The following IRF2BP2 variants were observed in gnomAD, a reference collection of about 807,000 sequenced individuals.
The protein encoded by IRF2BP2 is interferon regulatory factor 2-binding protein 2.
A neutral mutation model predicts 32.7 loss-of-function variants in IRF2BP2; 13 were observed. The ratio of observed to expected loss-of-function variants is 0.40; its 90% CI spans 0.26 to 0.63. The LOEUF (loss-of-function observed/expected upper bound fraction) is 0.63. Among genes scored for constraint, IRF2BP2 ranks in the 30% least tolerant of loss-of-function variants. The probability of loss-of-function intolerance (pLI) is 0.42; values close to 1 mark genes in which losing one functional copy is unlikely to be tolerated. For missense variants in IRF2BP2, 980 were observed against 830.6 expected (o/e 1.18, Z -2.21); for synonymous variants, 555 against 384.6 (o/e 1.44, Z -5.18).
At chr1:234,608,390 C>T in intron 1 of IRF2BP2, 57 bp downstream of exon 1, 1 of 1,328,348 alleles carries the variant, frequency 7.5e-7, no homozygotes, top group East Asian at 2.8e-5. Flanking sequence ...ACCACCCTTC[C>T]TCTGCTCTCC....
In IRF2BP2 at chr1:234,609,245, G is replaced by A. The variant is rs759575894; in HGVS notation, c.250C>T (p.Pro84Ser). The A allele has an allele frequency of 3.2e-5, 44 of 1,360,210 alleles. No homozygotes were observed. The South Asian group carries it at 7.3e-4, about 23-fold the overall frequency. 84.3% of individuals were successfully genotyped at this position (1,360,210 alleles called of 1,614,324 possible). ...GAAASAAAKP[P>S]PLSAKDILLQ... ...AGGATGTCCTTGGCGGAGAGCGGCGGCGGCTTGGCGGCGGCCGAGGCCGCG... is the reference window on the plus strand; with the variant it reads ...AGGATGTCCTTGGCGGAGAGCGGCGACGGCTTGGCGGCGGCCGAGGCCGCG... The change falls in exon 1 of 2, where the codon CCG becomes TCG. Residue 84 changes from proline to serine, a missense_variant. By Grantham distance (74) the Pro-to-Ser change is moderately conservative. Coordinates refer to ENST00000366609, the MANE Select transcript of IRF2BP2 (RefSeq NM_182972.3).
chr1:234,609,527 C>T lies in IRF2BP2; in HGVS notation c.-33G>A. ...GAGCCCGCGACGCCGGAGGAGGAGG[C>T]GGAGGAGGAGGAGGGGGCGCCGCCG... On this transcript the variant is annotated 5_prime_UTR_variant, in exon 1 of 2. Transcript: ENST00000366609. 1.5e-6 allele frequency: 2 copies of T among 1,367,750 alleles called. No individual in the cohort carries two copies. Among genetic ancestry groups the T allele is most frequent in the South Asian group, 1.5e-5 (1 of 68,212 alleles). 84.7% of individuals were successfully genotyped at this position (1,367,750 alleles called of 1,614,324 possible). A position where few individuals can be genotyped will look rare whatever the true frequency, so the allele number is the denominator to read the frequency against.
Position 234,607,697 on chromosome 1 carries a change from G to A in IRF2BP2, c.1204C>T (p.Pro402Ser), listed in dbSNP as rs777725435. Reference protein sequence around the residue: ...TPTSSFVSPPPPTASPHSNRT... With the variant: ...TPTSSFVSPPSPTASPHSNRT... ...TTGGAATGAGGTGAGGCAGTGGGTG[G>A]TGGCGGAGACACAAAAGAGGATGTA... Residue 402 changes from proline to serine, a missense_variant, in exon 2 of 2, where the codon CCA (proline) becomes TCA (serine). Pro to Ser is a moderately conservative substitution (Grantham distance 74). Coordinates refer to ENST00000366609, the MANE Select transcript of IRF2BP2 (RefSeq NM_182972.3). The A allele has an allele frequency of 1.2e-6, 2 of 1,614,108 alleles. No homozygotes were observed. Among genetic ancestry groups the A allele is most frequent in the Non-Finnish European group, 1.7e-6 (2 of 1,180,038 alleles).
At position 234,609,588 on chromosome 1, in the gene IRF2BP2, C is replaced by A. The variant is rs1354851973; in HGVS notation, c.-94G>T. On this transcript the variant is annotated 5_prime_UTR_variant, in exon 1 of 2. Transcript: ENST00000366609. ...CCGGCACCACGCGCGCCCTCCTCCC[C>A]CCCCAACCCCGCGTCTCCCCCACCA... 3.1e-6 allele frequency: 2 copies of A among 641,306 alleles called. No homozygotes were observed. Among genetic ancestry groups the A allele is most frequent in the Non-Finnish European group, 2.2e-6 (1 of 452,572 alleles). 39.7% of individuals were successfully genotyped at this position (641,306 alleles called of 1,614,324 possible).
chr1:234,606,946 A>G lies in IRF2BP2; in HGVS notation c.*191T>C, dbSNP rs542003285. 2.8e-5 allele frequency: 14 copies of G among 503,182 alleles called. No individual in the cohort carries two copies. The highest frequency in any genetic ancestry group is 1.2e-4 in the East Asian group (4 of 32,164). 31.2% of individuals were successfully genotyped at this position (503,182 alleles called of 1,614,324 possible). On this transcript the variant is annotated 3_prime_UTR_variant, in exon 2 of 2. Transcript: ENST00000366609. Reference sequence around the variant, plus strand: ...GTTAACAAAAGAAAAAAATGTCTTTATAAGTACATACCTTTTGTCGTCAAA... The same window carrying G: ...GTTAACAAAAGAAAAAAATGTCTTTGTAAGTACATACCTTTTGTCGTCAAA...
chr1:234,607,292 T>G lies in IRF2BP2; in HGVS notation c.1609A>C (p.Ser537Arg). ...CCACTAGCTCCCTGCTGTTTGATGC[T>G]TTGTCTGGAGCAAGGGAAGCAGAAC... ...HKFCFPCSRQSIKQQGASGEV... is the reference protein window; with the variant it reads ...HKFCFPCSRQRIKQQGASGEV... The change falls in exon 2 of 2, where the codon AGC becomes CGC. Residue 537 changes from serine to arginine, a missense_variant. By Grantham distance (110) the Ser-to-Arg change is moderately radical. Transcript: ENST00000366609. 6.2e-7 allele frequency: 1 copy of G among 1,614,222 alleles called. No homozygotes were observed. The highest frequency in any genetic ancestry group is 8.5e-7 in the Non-Finnish European group (1 of 1,180,030).
Position 234,604,938 on chromosome 1 carries a change from C to G in IRF2BP2, c.*2199G>C, listed in dbSNP as rs762306935. ...AGATCTTATTTTTTAATAGTAGTAA[C>G]CACAATACACAGCTCTTTAAAGCTG... is the stretch of plus-strand genomic sequence containing the variant. On this transcript the variant is annotated 3_prime_UTR_variant, in exon 2 of 2. Transcript: ENST00000366609. 1 of 152,218 alleles carries G rather than the reference C, an allele frequency of 6.6e-6. No individual in the cohort carries two copies. The highest frequency in any genetic ancestry group is 2.4e-5 in the African/African-American group (1 of 41,456). 9.4% of individuals were successfully genotyped at this position (152,218 alleles called of 1,614,324 possible).
chr1:234,607,798 C>T lies in IRF2BP2; in HGVS notation c.1103G>A (p.Gly368Glu). Residue 368 changes from glycine to glutamate, a missense_variant, in exon 2 of 2, where the codon GGG (glycine) becomes GAG (glutamate). By Grantham distance (98) the Gly-to-Glu change is moderately conservative. Coordinates refer to ENST00000366609, the MANE Select transcript of IRF2BP2 (RefSeq NM_182972.3). ...GGCCTCTCCGTTGATCTTAGGGGGC[C>T]CGACTTCACCTTCTGGTTCTGGAGA... Reference protein sequence around the residue: ...KPSPEPEGEVGPPKINGEAQP... With the variant: ...KPSPEPEGEVEPPKINGEAQP... 1 of 1,609,508 alleles carries T rather than the reference C, an allele frequency of 6.2e-7. No individual in the cohort carries two copies. Among genetic ancestry groups the T allele is most frequent in the Non-Finnish European group, 8.5e-7 (1 of 1,177,138 alleles).
chr1:234,609,515 C>CGGAGGAGGAGGCGGAGGA lies in IRF2BP2; in HGVS notation c.-39_-22dup, dbSNP rs762169010. The CGGAGGAGGAGGCGGAGGA allele has an allele frequency of 2.8e-6, 4 of 1,430,882 alleles. No individual in the cohort carries two copies. Among genetic ancestry groups the CGGAGGAGGAGGCGGAGGA allele is most frequent in the East Asian group, 3.1e-5 (1 of 32,696 alleles). The allele number at this position is 1,430,882 out of a possible 1,614,324, so 88.6% of individuals were successfully genotyped here. A position where few individuals can be genotyped will look rare whatever the true frequency, so the allele number is the denominator to read the frequency against. On this transcript the variant is annotated 5_prime_UTR_variant, in exon 1 of 2. Transcript: ENST00000366609. ...GCCATGTCCGAGGAGCCCGCGACGC[C>CGGAGGAGGAGGCGGAGGA]GGAGGAGGAGGCGGAGGAGGAGGAG...
In IRF2BP2 at chr1:234,609,003, C is replaced by G. The variant is rs1486101968; in HGVS notation, c.492G>C (p.Lys164Asn). 3 of 1,338,356 alleles carry G rather than the reference C, an allele frequency of 2.2e-6. No homozygotes were observed. The highest frequency in any genetic ancestry group is 2.9e-6 in the Non-Finnish European group (3 of 1,049,470). The allele number at this position is 1,338,356 out of a possible 1,614,324, so 82.9% of individuals were successfully genotyped here. ...NGILVPNGFS[K>N]LEEPPELNRQ... ...GATTCAGCTCGGGCGGCTCCTCTAGCTTGGAGAAGCCGTTGGGCACCAGGA... is the reference window on the plus strand; with the variant it reads ...GATTCAGCTCGGGCGGCTCCTCTAGGTTGGAGAAGCCGTTGGGCACCAGGA... Residue 164 changes from lysine to asparagine, a missense_variant, in exon 1 of 2, where the codon AAG (lysine) becomes AAC (asparagine). Coordinates refer to ENST00000366609, the MANE Select transcript of IRF2BP2 (RefSeq NM_182972.3).
Position 234,606,376 on chromosome 1 carries a change from GTATCT to G in IRF2BP2, c.*756_*760del, listed in dbSNP as rs887593780. ...ATAACCGCCTTCCATCACTGGAATT[GTATCT>G]TATGTAACCAACTAGCATGCAGCAT... On this transcript the variant is annotated 3_prime_UTR_variant, in exon 2 of 2. Coordinates refer to ENST00000366609, the MANE Select transcript of IRF2BP2 (RefSeq NM_182972.3). The G allele has an allele frequency of 1.3e-4, 20 of 151,926 alleles. No homozygotes were observed. Among genetic ancestry groups the G allele is most frequent in the African/African-American group, 3.9e-4 (16 of 41,432 alleles). The allele number at this position is 151,926 out of a possible 1,614,324, so 9.4% of individuals were successfully genotyped here.
At position 234,607,104 on chromosome 1, in the gene IRF2BP2, G is replaced by A. The variant is rs757548522; in HGVS notation, c.*33C>T. The A allele has an allele frequency of 1.0e-5, 15 of 1,481,588 alleles. No homozygotes were observed. The highest frequency in any genetic ancestry group is 9.8e-5 in the African/African-American group (7 of 71,620). The allele number at this position is 1,481,588 out of a possible 1,614,324, so 91.8% of individuals were successfully genotyped here. ...TACAATTCAAGCAGTTTTAATTAAG[G>A]GTAATCATTGGGTTTTTCTGAAACC... On this transcript the variant is annotated 3_prime_UTR_variant, in exon 2 of 2. Transcript: ENST00000366609.
In IRF2BP2 at chr1:234,609,998, G is replaced by A. The variant is rs1209485754; in HGVS notation, c.-504C>T. On this transcript the variant is annotated 5_prime_UTR_variant, in exon 1 of 2. Transcript: ENST00000366609. ...CCGAGCGGCGGGGCATGCCGCGCCGGGGTGGCGGCGGCCGGGCGGCGTGGA... is the reference window on the plus strand; with the variant it reads ...CCGAGCGGCGGGGCATGCCGCGCCGAGGTGGCGGCGGCCGGGCGGCGTGGA... Among the ~76,000 whole-genome samples, 1 of 144,534 alleles carries A rather than the reference G, an allele frequency of 6.9e-6. No homozygotes were observed. The highest frequency in any genetic ancestry group is 1.5e-5 in the Non-Finnish European group (1 of 65,152). 94.8% of individuals were successfully genotyped at this position (144,534 alleles called of 152,430 possible). A position where few individuals can be genotyped will look rare whatever the true frequency, so the allele number is the denominator to read the frequency against.
At position 234,607,021 on chromosome 1, in the gene IRF2BP2, A is replaced by C. The variant is rs546065243; in HGVS notation, c.*116T>G. 2 of 788,762 alleles carry C rather than the reference A, an allele frequency of 2.5e-6. No individual in the cohort carries two copies. Among genetic ancestry groups the C allele is most frequent in the East Asian group, 5.0e-5 (2 of 40,038 alleles). The allele number at this position is 788,762 out of a possible 1,614,324, so 48.9% of individuals were successfully genotyped here. ...CAAAAAAAATCAAAATTATACAGCC[A>C]TGTTTATGAAGTCTACATTTCCCTT... On this transcript the variant is annotated 3_prime_UTR_variant, in exon 2 of 2. Transcript: ENST00000366609.
rs1391220468 is a variant in IRF2BP2 at position 234,604,585 on chromosome 1, GA to G, written c.*2551del. On this transcript the variant is annotated 3_prime_UTR_variant, in exon 2 of 2. Coordinates refer to ENST00000366609, the MANE Select transcript of IRF2BP2 (RefSeq NM_182972.3). Reference sequence around the variant, plus strand: ...CATAACTTTAAATGTGAGGCCACATGAAAGACAGTACATCTGTTAAATTCTA... The same window carrying G: ...CATAACTTTAAATGTGAGGCCACATGAAGACAGTACATCTGTTAAATTCTA... The G allele has an allele frequency of 6.6e-6, 1 of 152,220 alleles. No individual in the cohort carries two copies. The highest frequency in any genetic ancestry group is 1.5e-5 in the Non-Finnish European group (1 of 68,040). 9.4% of individuals were successfully genotyped at this position (152,220 alleles called of 1,614,324 possible).
rs1395111145 is a variant in IRF2BP2 at position 234,607,583 on chromosome 1, C to T, written c.1318G>A (p.Ala440Thr). 1.9e-6 allele frequency: 3 copies of T among 1,614,264 alleles called. No homozygotes were observed. The highest frequency in any genetic ancestry group is 2.5e-6 in the Non-Finnish European group (3 of 1,180,048). The change falls in exon 2 of 2, where the codon GCC becomes ACC. Residue 440 changes from alanine to threonine, a missense_variant. Transcript: ENST00000366609. ...TGAACCTGGTTGGCATCTTTTGAGG[C>T]ATGACTGCCCCCTGCATTGTCTGCT... ...LVADNAGGSHASKDANQVHST... is the reference protein window; with the variant it reads ...LVADNAGGSHTSKDANQVHST...
rs1305544767 is a variant in IRF2BP2, at chr1:234,608,761, G to A, written c.734C>T (p.Ala245Val). The A allele has an allele frequency of 2.0e-6, 3 of 1,481,802 alleles. No homozygotes were observed. Among genetic ancestry groups the A allele is most frequent in the African/African-American group, 1.5e-5 (1 of 67,984 alleles). The allele number at this position is 1,481,802 out of a possible 1,614,324, so 91.8% of individuals were successfully genotyped here. The change falls in exon 1 of 2, where the codon GCT (alanine) becomes GTT (valine). Residue 245 changes from alanine to valine, a missense_variant. Transcript: ENST00000366609. The stretch of plus-strand genomic sequence containing the variant: ...CTCACGCTGCTCGTGCTCCACGGCA[G>A]CGCTGCTCGACACGGATGCCGGCCG... ...HKRPASVSSS[A>V]AVEHEQREAA...
Position 234,608,638 on chromosome 1 carries a change from C to G in IRF2BP2, c.857G>C (p.Gly286Ala). The stretch of plus-strand genomic sequence containing the variant: ...TCCAGACCCGCGGCTCTTGCCCGCA[C>G]CTTCCGCGCTCAGCTCGGCGGCCCC... ...AAGAAELSAEGAGKSRGSGEQ... is the reference protein window; with the variant it reads ...AAGAAELSAEAAGKSRGSGEQ... The change falls in exon 1 of 2, where the codon GGT (glycine) becomes GCT (alanine). Residue 286 changes from glycine (G) to alanine (A), a missense_variant. Transcript: ENST00000366609. 1 of 1,557,824 alleles carries G rather than the reference C, an allele frequency of 6.4e-7. No individual in the cohort carries two copies. The highest frequency in any genetic ancestry group is 1.2e-5 in the South Asian group (1 of 85,038).
Position 234,609,318 on chromosome 1 carries a change from G to C in IRF2BP2, c.177C>G (p.Leu59=). Residue 59 remains leucine, a synonymous_variant, in exon 1 of 2, where the codon CTC becomes CTG. Transcript: ENST00000366609. ...VEFVIETARQ[L]KRAHGCFPEG... is the part of the protein sequence containing the mutation. ...CCGGGAAGCAGCCGTGCGCCCGCTT[G>C]AGCTGCCGCGCCGTCTCGATGACGA... 6.6e-7 allele frequency: 1 copy of C among 1,512,484 alleles called. No individual in the cohort carries two copies. The highest frequency in any genetic ancestry group is 8.8e-7 in the Non-Finnish European group (1 of 1,131,842). 93.7% of individuals were successfully genotyped at this position (1,512,484 alleles called of 1,614,324 possible). A position where few individuals can be genotyped will look rare whatever the true frequency, so the allele number is the denominator to read the frequency against.
Sources: gnomAD v4.1 joint callset for allele counts (sites outside exome capture counted in the v4.1 genomes callset) on GRCh38, gnomAD v4.1.1 for gene constraint, MANE v1.5 for transcripts, NCBI Gene and HGNC (gene_info 2026-07-23, HGNC 2026-07-21) for gene names.